The following MRTFB variants were observed in gnomAD, a reference collection of about 807,000 sequenced individuals.
MRTFB encodes myocardin related transcription factor B.
MRTFB carries 29 observed loss-of-function variants against 104.2 expected under a neutral mutation model. That is an observed-to-expected ratio of 0.28 (90% confidence interval 0.21 to 0.38). The LOEUF is 0.38. Ranked by LOEUF, MRTFB falls within the 10% of genes least tolerant of loss-of-function variation. The pLI is 1.00. For missense variants in MRTFB, 1,270 were observed against 1,341.6 expected (o/e 0.95, Z 0.83); for synonymous variants, 535 against 519.5 (o/e 1.03, Z -0.41).
intron 3 of MRTFB, among the ~76,000 whole-genome samples, chr16:14,162,318 C>G (rs1004998417): frequency 7.9e-5 from 12 of 151,984 alleles, no homozygotes; most frequent in African/African-American, 2.9e-4. Flanking sequence ...GGCAACAGAG[C>G]AAGACCCTGT....
intron 8 of MRTFB, among the ~76,000 whole-genome samples, chr16:14,233,072 A>G (rs990118663): frequency 6.6e-6 from 1 of 152,226 alleles, no homozygotes; most frequent in Admixed American, 6.5e-5. Flanking sequence ...CTTAAAATCT[A>G]TGTAAAGTAG....
chr16:14,083,584 T>A (rs2034530573), intron 2 of MRTFB, among the ~76,000 whole-genome samples: 2 of 152,188 alleles, frequency 1.3e-5, no homozygotes, highest in Admixed American at 6.5e-5. Context: ...TATGCTTACT[T>A]CCCTCTGTTT....
At chr16:14,197,808 C>G (rs185005414) in intron 3 of MRTFB, among the ~76,000 whole-genome samples, 1 of 152,110 alleles carries the variant, frequency 6.6e-6, no homozygotes, top group East Asian at 1.9e-4. Flanking sequence ...AAGATCAAAT[C>G]ATTATTAATG....
At chr16:14,044,182 C>T in the MRTFB span, among the ~76,000 whole-genome samples, 1 of 152,160 alleles carries the variant, frequency 6.6e-6, no homozygotes, top group Non-Finnish European at 1.5e-5. Flanking sequence ...TACTAAGTGT[C>T]AATAAACACC....
At chr16:14,126,939 G>A (rs2037140892) in intron 2 of MRTFB, among the ~76,000 whole-genome samples, 1 of 152,200 alleles carries the variant, frequency 6.6e-6, no homozygotes, top group African/African-American at 2.4e-5. Flanking sequence ...AATGAAGCCA[G>A]TGAGCAATTT....
At chr16:14,170,568 T>A (rs2039390764) in intron 3 of MRTFB, 1 of 152,218 alleles carries the variant, frequency 6.6e-6, no homozygotes, top group Non-Finnish European at 1.5e-5. Context: ...ACTCCCTGAT[T>A]AACGTTTAGA....
At chr16:14,167,348 T>C (rs1001872777) in intron 3 of MRTFB, among the ~76,000 whole-genome samples, 1 of 152,124 alleles carries the variant, frequency 6.6e-6, no homozygotes, top group African/African-American at 2.4e-5. Context: ...TGCCTACTTT[T>C]TAATGTTTTT....
At chr16:14,121,251 A>G (rs1375406619) in intron 2 of MRTFB, among the ~76,000 whole-genome samples, 4 of 134,430 alleles carry the variant, frequency 3.0e-5, no homozygotes, top group Non-Finnish European at 4.8e-5. Flanking sequence ...TCCCCTTTCT[A>G]CTTTGTACTG....
chr16:14,171,387 C>T (rs184291970), intron 3 of MRTFB, among the ~76,000 whole-genome samples: 50 of 152,022 alleles, frequency 3.3e-4, no homozygotes, highest in Admixed American at 3.1e-3. Flanking sequence ...CCCAGCTACT[C>T]GGGATGCTGA....
At chr16:14,156,970 ACCACTCC>A (rs2142854856) in intron 3 of MRTFB, among the ~76,000 whole-genome samples, 1 of 152,226 alleles carries the variant, frequency 6.6e-6, no homozygotes, top group Non-Finnish European at 1.5e-5. Flanking sequence ...CCTCCCATCA[ACCACTCC>A]CCACTCCCCC....
At position 14,156,815 on chromosome 16, in the gene MRTFB, A is replaced by G. The variant is rs181929012; in HGVS notation, c.154+16055A>G. ...TTCAGCCTTTAAAAGAGACAACTAA[A>G]GACTGTATTTTCCTTCTCACATGTA... On this transcript the variant is annotated intron_variant, in intron 3 of 16. Transcript: ENST00000571589. 1.1e-4 allele frequency among the ~76,000 whole-genome samples: 16 copies of G among 152,360 alleles called. No individual in the cohort carries two copies. The East Asian group carries it at 3.1e-3, about 29-fold the overall frequency.
chr16:14,261,622 G>A lies in MRTFB; in HGVS notation c.*178G>A, dbSNP rs1329665586. The stretch of plus-strand genomic sequence containing the variant: ...GTTTGAAAACATTTCATTGTGTTCA[G>A]TAGTGAATTTCTACAGTTTAACATA... On this transcript the variant is annotated 3_prime_UTR_variant, in exon 17 of 17. Transcript: ENST00000571589. 5 of 629,706 alleles carry A rather than the reference G, an allele frequency of 7.9e-6. No individual in the cohort carries two copies. Among genetic ancestry groups the A allele is most frequent in the Non-Finnish European group, 1.1e-5 (4 of 379,008 alleles). The allele number at this position is 629,706 out of a possible 1,614,324, so 39.0% of individuals were successfully genotyped here.
At chr16:14,025,308 G>A in the MRTFB span, among the ~76,000 whole-genome samples, 1 of 152,188 alleles carries the variant, frequency 6.6e-6, no homozygotes, top group Non-Finnish European at 1.5e-5. Flanking sequence ...AGCCTCCCAA[G>A]TAGCTGGGAC....
intron 2 of MRTFB, among the ~76,000 whole-genome samples, chr16:14,135,507 G>A (rs2037665837): frequency 6.6e-6 from 1 of 152,222 alleles, no homozygotes; most frequent in East Asian, 1.9e-4. Flanking sequence ...TAGGAGTGTA[G>A]TAGACTGTAC....
chr16:14,058,288 C>T, the MRTFB span, among the ~76,000 whole-genome samples: 4 of 152,054 alleles, frequency 2.6e-5, no homozygotes, highest in East Asian at 3.9e-4. Flanking sequence ...TTAGGGTTGG[C>T]GGGAAGGGAG....
the MRTFB span, among the ~76,000 whole-genome samples, chr16:14,012,614 T>C: frequency 6.6e-6 from 1 of 152,146 alleles, no homozygotes; most frequent in African/African-American, 2.4e-5. Flanking sequence ...GACATTTTCA[T>C]AGGCATCATT....
chr16:14,079,907 T>C (rs527851366), intron 2 of MRTFB, among the ~76,000 whole-genome samples: 1 of 152,334 alleles, frequency 6.6e-6, no homozygotes, highest in South Asian at 2.1e-4. Context: ...GAAGAATTTA[T>C]ATACAAAATT....
chr16:14,017,950 G>A, the MRTFB span, among the ~76,000 whole-genome samples: 56,082 of 150,722 alleles, frequency 0.37, 10,883 homozygotes, highest in Admixed American at 0.5. Context: ...TTGAACTCAA[G>A]GCCCCAAGCA....
intron 15 of MRTFB, among the ~76,000 whole-genome samples, chr16:14,256,209 C>A (rs868219689): frequency 0.066 from 7,159 of 108,732 alleles, 587 homozygotes; most frequent in African/African-American, 0.24. Context: ...AAAAAAAAAA[C>A]CCCAGATGGG....
Sources: gnomAD v4.1 joint callset for allele counts (sites outside exome capture counted in the v4.1 genomes callset) on GRCh38, gnomAD v4.1.1 for gene constraint, MANE v1.5 for transcripts, NCBI Gene and HGNC (gene_info 2026-07-23, HGNC 2026-07-21) for gene names.